SORBS2: variants seen among roughly 807,000 people sequenced by gnomAD.
SORBS2 encodes the protein sorbin and SH3 domain-containing protein 2.
Under a neutral mutation model 97.7 loss-of-function variants are expected in SORBS2, and 46 were observed. The observed-to-expected ratio is 0.47, with a 90% CI of 0.37 to 0.60. The LOEUF (loss-of-function observed/expected upper bound fraction) is 0.60. Among genes scored for constraint, SORBS2 ranks in the 20% least tolerant of loss-of-function variants. SORBS2 has a pLI of 0.00. For synonymous variants in SORBS2, 476 were observed against 473.4 expected (o/e 1.01, Z -0.07); for missense variants, 1,316 against 1,282.3 (o/e 1.03, Z -0.40).
rs1329925045 is a variant in SORBS2, at chr4:185,728,904, G to T, written c.-198+46323C>A. 2.0e-5 allele frequency among the ~76,000 whole-genome samples: 3 copies of T among 152,242 alleles called. No homozygotes were observed. In the East Asian group the frequency reaches 5.8e-4, roughly 29 times the overall value. ...CTCCAGCCCTGGAACTGTGCTGGGTGCACACGAGGAGCCAAATGCATGTTT... is the reference window on the plus strand; with the variant it reads ...CTCCAGCCCTGGAACTGTGCTGGGTTCACACGAGGAGCCAAATGCATGTTT... On this transcript the variant is annotated intron_variant, in intron 2 of 20. Coordinates refer to the SORBS2 transcript ENST00000284776.
At chr4:185,721,241 A>AT (rs1375800606) in intron 2 of SORBS2, among the ~76,000 whole-genome samples, 8 of 151,746 alleles carry the variant, frequency 5.3e-5, no homozygotes, top group Non-Finnish European at 1.2e-4. Context: ...CGCCCAGATA[A>AT]TTTTTGTATT....
chr4:185,741,408 T>TTG (rs1484177008), intron 2 of SORBS2, among the ~76,000 whole-genome samples: 1 of 143,860 alleles, frequency 7.0e-6, no homozygotes, highest in African/African-American at 2.6e-5. Context: ...TTTTTTGTTT[T>TTG]TTTTTTTTTT....
intron 2 of SORBS2, among the ~76,000 whole-genome samples, chr4:185,763,815 C>T (rs1427189853): frequency 6.6e-6 from 1 of 152,130 alleles, no homozygotes; most frequent in East Asian, 1.9e-4. Flanking sequence ...TCAATATTAT[C>T]CATTTTGTCA....
chr4:185,880,997 GAGAA>G (rs1166554900), intron 1 of SORBS2, among the ~76,000 whole-genome samples: 2 of 152,108 alleles, frequency 1.3e-5, no homozygotes, highest in African/African-American at 2.4e-5. Context: ...TGAAGAAAAA[GAGAA>G]AGGAAGGAAG....
At chr4:185,933,611 T>G (rs961678490) in intron 1 of SORBS2, among the ~76,000 whole-genome samples, 1 of 152,102 alleles carries the variant, frequency 6.6e-6, no homozygotes, top group Admixed American at 6.6e-5. Context: ...CCTTCATCTT[T>G]GCACGGTATT....
chr4:185,655,395 G>C (rs907357391), intron 1 of SORBS2, among the ~76,000 whole-genome samples: 1 of 152,160 alleles, frequency 6.6e-6, no homozygotes, highest in Non-Finnish European at 1.5e-5. Flanking sequence ...GGAGAGTCTT[G>C]GCCTGCTGTG....
chr4:185,609,003 T>TC (rs1389863757), intron 12 of SORBS2, among the ~76,000 whole-genome samples: 18 of 151,908 alleles, frequency 1.2e-4, no homozygotes, highest in Non-Finnish European at 1.5e-5. Context: ...TTTAGCTTTT[T>TC]TTTTTTAAGT....
At chr4:185,591,187 G>A (rs1340642721) in intron 13 of SORBS2, among the ~76,000 whole-genome samples, 1 of 152,160 alleles carries the variant, frequency 6.6e-6, no homozygotes, top group African/African-American at 2.4e-5. Flanking sequence ...GATAGAGTTG[G>A]CTTCAGAGAA....
chr4:185,878,648 T>C (rs1456915677), intron 1 of SORBS2, among the ~76,000 whole-genome samples: 1 of 152,148 alleles, frequency 6.6e-6, no homozygotes, highest in Non-Finnish European at 1.5e-5. Context: ...ACCCCGGGAT[T>C]CCTTCCTGAC....
intron 4 of SORBS2, chr4:185,677,217 A>G: frequency 6.4e-7 from 1 of 1,551,708 alleles, no homozygotes. Flanking sequence ...AAATGACGGT[A>G]CTTCGACAGA....
intron 2 of SORBS2, among the ~76,000 whole-genome samples, chr4:185,766,953 C>A (rs1220410402): frequency 6.6e-6 from 1 of 152,138 alleles, no homozygotes; most frequent in South Asian, 2.1e-4. Context: ...TTTCTAATAT[C>A]AAGCTGGTCT....
intron 2 of SORBS2, among the ~76,000 whole-genome samples, chr4:185,752,338 C>T (rs184233678): frequency 3.9e-5 from 6 of 152,214 alleles, no homozygotes; most frequent in Admixed American, 2.6e-4. Flanking sequence ...TGCAGTGGCA[C>T]GATCTTGGCT....
intron 2 of SORBS2, among the ~76,000 whole-genome samples, chr4:185,717,399 G>A (rs1404422131): frequency 1.3e-5 from 2 of 152,242 alleles, no homozygotes; most frequent in African/African-American, 2.4e-5. Flanking sequence ...TATCTCTGTA[G>A]CAGAAACATG....
chr4:185,661,564 C>T (rs1354795660), upstream of SORBS2, among the ~76,000 whole-genome samples: 2 of 152,170 alleles, frequency 1.3e-5, no homozygotes, highest in Admixed American at 6.5e-5. Flanking sequence ...ACTTAAGTTT[C>T]TCTTGTGTGG....
chr4:185,711,593 C>T (rs1025972326), intron 2 of SORBS2, among the ~76,000 whole-genome samples: 5 of 152,146 alleles, frequency 3.3e-5, no homozygotes, highest in Non-Finnish European at 7.4e-5. Context: ...GTATTCACTT[C>T]CCTTCATCTT....
At chr4:185,812,880 T>C (rs1443574047) in intron 1 of SORBS2, 40 of 152,224 alleles carry the variant, frequency 2.6e-4, no homozygotes, top group Admixed American at 2.6e-3. Flanking sequence ...CTCAATCTTA[T>C]TTGTAAATTA....
intron 12 of SORBS2, among the ~76,000 whole-genome samples, chr4:185,595,932 T>C (rs1292010805): frequency 6.6e-6 from 1 of 152,208 alleles, no homozygotes; most frequent in Non-Finnish European, 1.5e-5. Flanking sequence ...TGTTAGTCAC[T>C]GAAAAATACT....
At chr4:185,908,045 T>C (rs1463838191) in intron 1 of SORBS2, among the ~76,000 whole-genome samples, 2 of 151,914 alleles carry the variant, frequency 1.3e-5, no homozygotes, top group Admixed American at 6.6e-5. Context: ...GGCAGAGCCA[T>C]GCTGAGCTCC....
chr4:185,846,994 C>T (rs949149415), intron 1 of SORBS2, among the ~76,000 whole-genome samples: 1 of 152,188 alleles, frequency 6.6e-6, no homozygotes, highest in Non-Finnish European at 1.5e-5. Context: ...ACATGACTCA[C>T]TGGGGCCATG....
Sources: gnomAD v4.1 joint callset for allele counts (sites outside exome capture counted in the v4.1 genomes callset) on GRCh38, gnomAD v4.1.1 for gene constraint, MANE v1.5 for transcripts, NCBI Gene and HGNC (gene_info 2026-07-23, HGNC 2026-07-21) for gene names.